Variants in CTNNA2 observed in about 807,000 individuals in gnomAD.
The protein encoded by CTNNA2 is catenin alpha-2.
Under a neutral mutation model 101.0 loss-of-function variants are expected in CTNNA2, and 42 were observed. The observed-to-expected ratio is 0.42, with a 90% confidence interval of 0.32 to 0.54. The LOEUF (loss-of-function observed/expected upper bound fraction) is 0.54. CTNNA2 is among the 20% of genes least tolerant of loss of function. CTNNA2 has a pLI of 0.14. For missense variants in CTNNA2, 871 were observed against 1,223.1 expected (o/e 0.71, Z 4.29); for synonymous variants, 450 against 456.4 (o/e 0.99, Z 0.18).
intron 9 of CTNNA2, among the ~76,000 whole-genome samples, chr2:80,514,449 G>T (rs575066795): frequency 6.6e-5 from 10 of 152,284 alleles, no homozygotes; most frequent in South Asian, 2.1e-4. Context: ...TTCTACCAAT[G>T]AGTGCAAACG....
At chr2:80,237,781 A>G (rs1323128650) in intron 7 of CTNNA2, among the ~76,000 whole-genome samples, 2 of 152,168 alleles carry the variant, frequency 1.3e-5, no homozygotes, top group African/African-American at 4.8e-5. Flanking sequence ...AGGATTGGGA[A>G]ATGAAGCAAG....
At chr2:79,230,590 C>G (rs1674477032) in intron 2 of CTNNA2, among the ~76,000 whole-genome samples, 1 of 152,170 alleles carries the variant, frequency 6.6e-6, no homozygotes, top group Non-Finnish European at 1.5e-5. Flanking sequence ...GAGATTGAAG[C>G]CCCCACACAG....
At chr2:80,329,519 A>G (rs1158646072) in intron 7 of CTNNA2, among the ~76,000 whole-genome samples, 1 of 152,200 alleles carries the variant, frequency 6.6e-6, no homozygotes. Flanking sequence ...GGAATAAGGA[A>G]GTCATCCTGT....
chr2:79,395,412 C>T (rs908202191), intron 4 of CTNNA2, among the ~76,000 whole-genome samples: 1 of 151,938 alleles, frequency 6.6e-6, no homozygotes, highest in South Asian at 2.1e-4. Flanking sequence ...CCACAACAGT[C>T]CCTGGTGTGT....
At chr2:79,620,531 A>G (rs1678928317) in intron 1 of CTNNA2, among the ~76,000 whole-genome samples, 1 of 152,206 alleles carries the variant, frequency 6.6e-6, no homozygotes, top group East Asian at 1.9e-4. Context: ...GGCCTTGTTC[A>G]CATTAGTGCC....
intron 11 of CTNNA2, among the ~76,000 whole-genome samples, chr2:80,552,814 AAT>A (rs1342725652): frequency 6.6e-6 from 1 of 152,184 alleles, no homozygotes; most frequent in African/African-American, 2.4e-5. Flanking sequence ...GTACGGTAAA[AAT>A]ATGACATAAT....
At chr2:79,696,851 A>G (rs1684682382) in intron 2 of CTNNA2, among the ~76,000 whole-genome samples, 1 of 152,056 alleles carries the variant, frequency 6.6e-6, no homozygotes, top group African/African-American at 2.4e-5. Flanking sequence ...GCAAATCAGT[A>G]TGGGTCTTTG....
chr2:79,558,756 G>A (rs1041766447), intron 1 of CTNNA2, among the ~76,000 whole-genome samples: 4 of 151,926 alleles, frequency 2.6e-5, no homozygotes, highest in Non-Finnish European at 4.4e-5. Context: ...AAGACTCAGC[G>A]TTTTTGTGGA....
chr2:80,359,416 G>A (rs183272356), intron 7 of CTNNA2, among the ~76,000 whole-genome samples: 81 of 152,298 alleles, frequency 5.3e-4, no homozygotes, highest in South Asian at 4.1e-3. Context: ...ATGTTCAGTT[G>A]TAATCCCCAG....
chr2:79,884,715 C>A (rs1314717084), intron 6 of CTNNA2, among the ~76,000 whole-genome samples: 2 of 150,802 alleles, frequency 1.3e-5, no homozygotes, highest in Non-Finnish European at 2.9e-5. Flanking sequence ...TACCTTCTTA[C>A]ATTTTCTTCC....
At chr2:79,316,233 C>T (rs1430345036) in intron 3 of CTNNA2, among the ~76,000 whole-genome samples, 1 of 151,996 alleles carries the variant, frequency 6.6e-6, no homozygotes, top group African/African-American at 2.4e-5. Context: ...GTATTGACAC[C>T]TTTGTTAAAA....
intron 3 of CTNNA2, among the ~76,000 whole-genome samples, chr2:79,324,726 T>A (rs927439950): frequency 3.0e-4 from 45 of 151,108 alleles, no homozygotes; most frequent in Non-Finnish European, 6.1e-4. Flanking sequence ...ACACACCCAC[T>A]ACACACTACA....
chr2:80,356,400 T>A (rs1414431634), intron 7 of CTNNA2, among the ~76,000 whole-genome samples: 4 of 152,148 alleles, frequency 2.6e-5, no homozygotes, highest in African/African-American at 7.2e-5. Flanking sequence ...AATCCTGCAA[T>A]CTCTTAGCCT....
At chr2:80,561,638 C>T (rs1020278528) in intron 12 of CTNNA2, among the ~76,000 whole-genome samples, 3 of 152,000 alleles carry the variant, frequency 2.0e-5, no homozygotes, top group African/African-American at 4.8e-5. Context: ...AATTGGTGCT[C>T]CTCCTGAGGG....
At chr2:79,475,757 G>A (rs1671044139) in intron 4 of CTNNA2, among the ~76,000 whole-genome samples, 1 of 150,246 alleles carries the variant, frequency 6.7e-6, no homozygotes, top group South Asian at 2.1e-4. Flanking sequence ...CATTATGTAT[G>A]TAAGACCAAG....
intron 9 of CTNNA2, among the ~76,000 whole-genome samples, chr2:80,422,703 C>T (rs182024790): frequency 6.6e-6 from 1 of 152,114 alleles, no homozygotes; most frequent in Admixed American, 6.5e-5. Context: ...AGATGATTTT[C>T]TCGTCTCCTT....
chr2:80,536,272 C>T (rs896141552), intron 9 of CTNNA2, among the ~76,000 whole-genome samples: 1 of 152,018 alleles, frequency 6.6e-6, no homozygotes. Flanking sequence ...AAATGTTTTG[C>T]GTGAAATCTG....
intron 6 of CTNNA2, among the ~76,000 whole-genome samples, chr2:79,908,391 G>A (rs34044554): frequency 0.035 from 5,275 of 152,228 alleles, 118 homozygotes; most frequent in South Asian, 0.05. Flanking sequence ...TCTACAGTTG[G>A]AAGACCATTT....
At chr2:79,819,045 T>A (rs946626652) in intron 3 of CTNNA2, among the ~76,000 whole-genome samples, 13 of 150,948 alleles carry the variant, frequency 8.6e-5, no homozygotes, top group African/African-American at 2.4e-4. Context: ...AGTGGTATGA[T>A]CTCGGTTCAC....
Sources: allele counts gnomAD v4.1 joint callset (sites outside exome capture counted in the v4.1 genomes callset), GRCh38; gene constraint gnomAD v4.1.1; transcripts MANE v1.5; gene names NCBI Gene and HGNC (gene_info 2026-07-23, HGNC 2026-07-21).